Variants in PKIA observed in about 807,000 individuals in gnomAD.
PKIA encodes the protein cAMP-dependent protein kinase inhibitor alpha, also known as PKI-alpha.
In PKIA, 4 loss-of-function variants were observed where a neutral mutation model predicts 7.6. The observed-to-expected ratio is 0.52, with a 90% CI of 0.26 to 1.20. The LOEUF (loss-of-function observed/expected upper bound fraction) is 1.20, where lower values mean the gene tolerates loss of function less well. Among genes scored for constraint, PKIA ranks in the 50% most tolerant of loss-of-function variants. The probability of loss-of-function intolerance (pLI) is 0.13; values close to 1 mark genes in which losing one functional copy is unlikely to be tolerated. For synonymous variants in PKIA, 21 were observed against 30.7 expected (o/e 0.68, Z 1.04); for missense variants, 73 against 86.2 (o/e 0.85, Z 0.61).
chr8:78,523,923 T>C (rs1406290738), intron 1 of PKIA, among the ~76,000 whole-genome samples: 2 of 140,522 alleles, frequency 1.4e-5, no homozygotes, highest in African/African-American at 5.3e-5. Flanking sequence ...TATATTTATA[T>C]ATATATAAAT....
rs115635533 is a variant in PKIA, at chr8:78,526,254, C to T, written c.-157+9786C>T. ...AGGAGAGGTTGGGTCCACTGTAATG[C>T]GAGGTTGTTAGGCTCTGATCAGCAG... On this transcript the variant is annotated intron_variant, in intron 1 of 3. Transcript: ENST00000396418. Among the ~76,000 whole-genome samples the T allele has an allele frequency of 9.4e-3, 1,425 of 152,078 alleles. 23 individuals carry two copies. Among genetic ancestry groups the T allele is most frequent in the African/African-American group, 0.032 (1,327 of 41,502 alleles).
chr8:78,593,999 C>A (rs1432839384), intron 2 of PKIA, among the ~76,000 whole-genome samples: 4 of 152,146 alleles, frequency 2.6e-5, no homozygotes, highest in East Asian at 1.9e-4. Context: ...TTAACATATT[C>A]TTATTTAACA....
At chr8:78,578,104 A>T (rs1807719092) in intron 2 of PKIA, among the ~76,000 whole-genome samples, 1 of 152,030 alleles carries the variant, frequency 6.6e-6, no homozygotes, top group Non-Finnish European at 1.5e-5. Context: ...TATTCAAGAC[A>T]GTGTGTTAAA....
chr8:78,601,106 T>C (rs781238893), intron 3 of PKIA, among the ~76,000 whole-genome samples: 1 of 152,074 alleles, frequency 6.6e-6, no homozygotes, highest in Non-Finnish European at 1.5e-5. Context: ...CTAAGATTGC[T>C]ACTGAGGGTG....
intron 1 of PKIA, among the ~76,000 whole-genome samples, chr8:78,561,462 T>G (rs1273409281): frequency 6.8e-6 from 1 of 147,002 alleles, no homozygotes; most frequent in African/African-American, 2.5e-5. Context: ...AGTTTTTTTG[T>G]TTTTTTTTTT....
At chr8:78,541,473 A>C (rs1806685936) in intron 1 of PKIA, among the ~76,000 whole-genome samples, 1 of 152,158 alleles carries the variant, frequency 6.6e-6, no homozygotes, top group African/African-American at 2.4e-5. Context: ...TAACCATTGA[A>C]TTAAGCAATA....
At chr8:78,564,506 C>T (rs1807359930) in intron 1 of PKIA, among the ~76,000 whole-genome samples, 1 of 151,928 alleles carries the variant, frequency 6.6e-6, no homozygotes, top group Non-Finnish European at 1.5e-5. Flanking sequence ...TCAGTAATCA[C>T]ATATCACAAT....
intron 2 of PKIA, among the ~76,000 whole-genome samples, chr8:78,574,726 T>C (rs765851729): frequency 1.3e-5 from 2 of 152,172 alleles, no homozygotes; most frequent in South Asian, 2.1e-4. Flanking sequence ...CAATTCTGAA[T>C]TGCTAGATGG....
At chr8:78,572,537 GCACGCACACACA>G (rs963166607) in intron 1 of PKIA, among the ~76,000 whole-genome samples, 1 of 115,576 alleles carries the variant, frequency 8.7e-6, no homozygotes, top group African/African-American at 3.9e-5. Context: ...AAAAAAAGCT[GCACGCACACACA>G]CACACACACA....
intron 1 of PKIA, among the ~76,000 whole-genome samples, chr8:78,570,031 A>T (rs1275025466): frequency 3.3e-5 from 5 of 152,116 alleles, no homozygotes; most frequent in Non-Finnish European, 7.4e-5. Flanking sequence ...GAACTCAGGA[A>T]CCTGTGGAAC....
Position 78,603,575 on chromosome 8 carries a change from A to C in PKIA, c.*1754A>C, listed in dbSNP as rs930529324. The C allele has an allele frequency of 1.3e-5, 2 of 151,938 alleles. No homozygotes were observed. Among genetic ancestry groups the C allele is most frequent in the East Asian group, 3.9e-4 (2 of 5,170 alleles). 9.4% of individuals were successfully genotyped at this position (151,938 alleles called of 1,614,324 possible). A position where few individuals can be genotyped will look rare whatever the true frequency, so the allele number is the denominator to read the frequency against. On this transcript the variant is annotated 3_prime_UTR_variant, in exon 4 of 4. Coordinates refer to ENST00000396418, the MANE Select transcript of PKIA (RefSeq NM_006823.4). ...AATTTTAGAATGCTTCCTTCTGTCT[A>C]ATCCATCAGGGGCCAAAATGCCCAG...
intron 1 of PKIA, among the ~76,000 whole-genome samples, chr8:78,555,646 A>G (rs540443728): frequency 6.6e-6 from 1 of 152,212 alleles, no homozygotes; most frequent in African/African-American, 2.4e-5. Flanking sequence ...AAACTGGCCA[A>G]CAGTGAGAAG....
At chr8:78,545,202 T>C (rs1457291726) in intron 1 of PKIA, among the ~76,000 whole-genome samples, 2 of 152,164 alleles carry the variant, frequency 1.3e-5, no homozygotes, top group Non-Finnish European at 2.9e-5. Flanking sequence ...TTAGTAATGC[T>C]TTTGTTTTTC....
chr8:78,551,499 T>C (rs928642410), intron 1 of PKIA, among the ~76,000 whole-genome samples: 2 of 152,076 alleles, frequency 1.3e-5, no homozygotes, highest in Non-Finnish European at 2.9e-5. Context: ...TGCTGTAAAC[T>C]TAAACTGTAA....
chr8:78,568,896 A>G (rs1025765241), intron 1 of PKIA, among the ~76,000 whole-genome samples: 1 of 151,986 alleles, frequency 6.6e-6, no homozygotes, highest in Non-Finnish European at 1.5e-5. Context: ...CGTGCATACC[A>G]CCCTACTCTT....
intron 1 of PKIA, chr8:78,558,595 C>G (rs1425097767): frequency 1.3e-5 from 2 of 151,822 alleles, no homozygotes; most frequent in African/African-American, 4.8e-5. Flanking sequence ...AAGACCACCC[C>G]CTTCCCCCCC....
chr8:78,545,835 G>A (rs868121595), intron 1 of PKIA, among the ~76,000 whole-genome samples: 6 of 152,132 alleles, frequency 3.9e-5, no homozygotes, highest in Admixed American at 1.3e-4. Context: ...AGAAATCATC[G>A]TGACTCCTTC....
intron 1 of PKIA, among the ~76,000 whole-genome samples, chr8:78,537,083 A>G (rs1231091557): frequency 1.3e-5 from 2 of 151,912 alleles, no homozygotes; most frequent in Non-Finnish European, 2.9e-5. Context: ...CCAGTTATGA[A>G]GGGGCTGAGG....
intron 1 of PKIA, among the ~76,000 whole-genome samples, chr8:78,551,121 A>G (rs1806973113): frequency 6.6e-6 from 1 of 152,092 alleles, no homozygotes; most frequent in South Asian, 2.1e-4. Flanking sequence ...AATTTTAAAG[A>G]TTTCAGAGAA....
Sources: allele counts gnomAD v4.1 joint callset (sites outside exome capture counted in the v4.1 genomes callset), GRCh38; gene constraint gnomAD v4.1.1; transcripts MANE v1.5; gene names NCBI Gene and HGNC (gene_info 2026-07-23, HGNC 2026-07-21).